Variants in LUZP1 observed in about 807,000 individuals in gnomAD.
LUZP1 encodes the protein leucine zipper protein 1.
Under a neutral mutation model 71.3 loss-of-function variants are expected in LUZP1, and 25 were observed. That is an observed-to-expected ratio of 0.35 (90% CI 0.26 to 0.49). LUZP1 has a LOEUF of 0.49. Ranked by LOEUF, LUZP1 falls within the 20% of genes least tolerant of loss-of-function variation. LUZP1 has a pLI of 0.99. For synonymous variants in LUZP1, 481 were observed against 506.4 expected (o/e 0.95, Z 0.67); for missense variants, 1,142 against 1,300.8 (o/e 0.88, Z 1.88).
intron 2 of LUZP1, among the ~76,000 whole-genome samples, chr1:23,143,510 A>G (rs1022206908): frequency 5.9e-5 from 9 of 152,218 alleles, no homozygotes; most frequent in Non-Finnish European, 1.2e-4. Flanking sequence ...GTATGACTTT[A>G]GTAGAAACAC....
chr1:23,139,207 C>G (rs1035556760), intron 2 of LUZP1, among the ~76,000 whole-genome samples: 1 of 150,612 alleles, frequency 6.6e-6, no homozygotes, highest in Non-Finnish European at 1.5e-5. Flanking sequence ...AAAATGCCAA[C>G]ACAAGGTGAA....
chr1:23,105,283 C>T (rs917890843), intron 3 of LUZP1, among the ~76,000 whole-genome samples: 1 of 152,262 alleles, frequency 6.6e-6, no homozygotes, highest in African/African-American at 2.4e-5. Context: ...ATTGCATGAA[C>T]GAATCTGATA....
intron 2 of LUZP1, among the ~76,000 whole-genome samples, chr1:23,123,781 C>T (rs1047243464): frequency 2.0e-5 from 3 of 152,128 alleles, no homozygotes; most frequent in African/African-American, 7.2e-5. Context: ...CATCTCTGTG[C>T]TTTGCAACAG....
chr1:23,115,287 A>G (rs901730251), intron 2 of LUZP1, among the ~76,000 whole-genome samples: 1 of 152,188 alleles, frequency 6.6e-6, no homozygotes, highest in Non-Finnish European at 1.5e-5. Context: ...AAACAAAGGG[A>G]CTTCTGAGAC....
At chr1:23,134,241 T>C (rs1415153881) in intron 2 of LUZP1, among the ~76,000 whole-genome samples, 2 of 152,124 alleles carry the variant, frequency 1.3e-5, no homozygotes, top group African/African-American at 2.4e-5. Context: ...AACACTCTGG[T>C]AGCCCAAGTC....
rs748312616 is a variant in LUZP1, at chr1:23,130,525, C to CTTTTT, written c.-225-21403_-225-21399dup. On this transcript the variant is annotated intron_variant, in intron 2 of 4. Transcript: ENST00000302291. ...TAGGATCCACCAAGTTAACAGTTAT[C>CTTTTT]TTTTTTTTTTTTTTTTTTTTTAGAG... 1.1e-4 allele frequency among the ~76,000 whole-genome samples: 13 copies of CTTTTT among 117,194 alleles called. 1 individual carries two copies. Among genetic ancestry groups the CTTTTT allele is most frequent in the Admixed American group, 3.7e-4 (4 of 10,820 alleles). 76.9% of individuals were successfully genotyped at this position (117,194 alleles called of 152,430 possible). A position where few individuals can be genotyped will look rare whatever the true frequency, so the allele number is the denominator to read the frequency against.
intron 3 of LUZP1, among the ~76,000 whole-genome samples, chr1:23,095,409 T>C (rs1256323843): frequency 6.6e-6 from 1 of 152,220 alleles, no homozygotes; most frequent in African/African-American, 2.4e-5. Context: ...AAATGTATAG[T>C]TGATCACATA....
intron 3 of LUZP1, among the ~76,000 whole-genome samples, chr1:23,096,396 G>C (rs1377515860): frequency 1.3e-5 from 2 of 152,104 alleles, no homozygotes; most frequent in African/African-American, 2.4e-5. Flanking sequence ...CAGCCCAAAA[G>C]GATAGAATAC....
chr1:23,155,201 T>C (rs1296449115), intron 2 of LUZP1, among the ~76,000 whole-genome samples: 1 of 152,230 alleles, frequency 6.6e-6, no homozygotes, highest in East Asian at 1.9e-4. Context: ...TAAATATCTC[T>C]ATAAGAATCT....
chr1:23,147,058 C>T (rs1283148947), intron 2 of LUZP1, among the ~76,000 whole-genome samples: 2 of 151,300 alleles, frequency 1.3e-5, no homozygotes, highest in South Asian at 2.1e-4. Flanking sequence ...GATCGCGCCA[C>T]CGCACTCCAG....
At chr1:23,129,857 T>C (rs1483103011) in intron 2 of LUZP1, among the ~76,000 whole-genome samples, 1 of 152,230 alleles carries the variant, frequency 6.6e-6, no homozygotes, top group Non-Finnish European at 1.5e-5. Context: ...TGGCATTGTA[T>C]ATCTGCCAGG....
rs1569861485 is a variant in LUZP1 at position 23,093,608 on chromosome 1, T to C, written c.654A>G (p.Leu218=). ...CTCGGTTCATTTTTTTGTTCTGCTCTAGTTTTTGAGTGAGTTCTTTTATCA... is the reference window on the plus strand; with the variant it reads ...CTCGGTTCATTTTTTTGTTCTGCTCCAGTTTTTGAGTGAGTTCTTTTATCA... The change falls in exon 4 of 5, where the codon CTA becomes CTG. Residue 218 remains leucine, a synonymous_variant. Transcript: ENST00000302291. This position sits in a 1 kb window ranked among gnomAD's most constrained non-coding sequence, Gnocchi z 4.2. 1 of 1,612,906 alleles carries C rather than the reference T, an allele frequency of 6.2e-7. No homozygotes were observed. The highest frequency in any genetic ancestry group is 1.7e-5 in the Admixed American group (1 of 59,792).
chr1:23,100,332 A>T (rs1320396169), intron 3 of LUZP1, among the ~76,000 whole-genome samples: 1 of 152,202 alleles, frequency 6.6e-6, no homozygotes, highest in Non-Finnish European at 1.5e-5. Flanking sequence ...AAAGGAGAAA[A>T]CAGATGGCAA....
At chr1:23,122,023 A>T (rs1338328968) in intron 2 of LUZP1, among the ~76,000 whole-genome samples, 1 of 151,632 alleles carries the variant, frequency 6.6e-6, no homozygotes, top group Non-Finnish European at 1.5e-5. Flanking sequence ...AAAATAAATA[A>T]ATTAATTAAT....
chr1:23,111,609 A>G (rs1272097596), intron 2 of LUZP1, among the ~76,000 whole-genome samples: 1 of 152,148 alleles, frequency 6.6e-6, no homozygotes, highest in Non-Finnish European at 1.5e-5. Context: ...CCCAAGAGAT[A>G]GCTTAGGTGG....
chr1:23,149,168 G>C (rs1644364780), intron 2 of LUZP1, among the ~76,000 whole-genome samples: 1 of 148,186 alleles, frequency 6.7e-6, no homozygotes, highest in Admixed American at 6.8e-5. Flanking sequence ...CTTTTTACTT[G>C]TTATAGATTT....
chr1:23,166,062 A>AG (rs1172058034), intron 2 of LUZP1, among the ~76,000 whole-genome samples: 90 of 151,978 alleles, frequency 5.9e-4, no homozygotes, highest in African/African-American at 2.1e-3. Context: ...AAAAAAAAAA[A>AG]AAAGAAAAGA....
At chr1:23,092,005 T>C in exon 4 of LUZP1, 1 of 1,614,222 alleles carries the variant, frequency 6.2e-7, no homozygotes. Flanking sequence ...ATGATGGCTC[T>C]AGACCGCAAC....
intron 2 of LUZP1, among the ~76,000 whole-genome samples, chr1:23,160,645 C>T (rs778746157): frequency 6.6e-6 from 1 of 152,170 alleles, no homozygotes; most frequent in Non-Finnish European, 1.5e-5. Flanking sequence ...AAAATTGCTA[C>T]CTATACATAA....
Sources: gnomAD v4.1 joint callset for allele counts (sites outside exome capture counted in the v4.1 genomes callset) on GRCh38, gnomAD v4.1.1 for gene constraint, Gnocchi (gnomAD v3.1) non-coding constraint, MANE v1.5 for transcripts, NCBI Gene and HGNC (gene_info 2026-07-23, HGNC 2026-07-21) for gene names.